PLCB1: variants seen among roughly 807,000 people sequenced by gnomAD.
PLCB1 encodes the protein phospholipase C beta 1, also known as 1-phosphatidylinositol 4,5-bisphosphate phosphodiesterase beta-1.
PLCB1 carries 46 observed loss-of-function variants against 161.8 expected under a neutral mutation model. That is an observed-to-expected ratio of 0.28 (90% CI 0.22 to 0.36). The LOEUF (loss-of-function observed/expected upper bound fraction) is 0.36. PLCB1 is among the 10% of genes least tolerant of loss of function. The pLI is 1.00. For synonymous variants in PLCB1, 517 were observed against 503.7 expected (o/e 1.03, Z -0.35); for missense variants, 1,016 against 1,472.5 (o/e 0.69, Z 5.07).
chr20:8,441,917 T>A (rs1266164583), intron 3 of PLCB1, among the ~76,000 whole-genome samples: 1 of 152,206 alleles, frequency 6.6e-6, no homozygotes, highest in African/African-American at 2.4e-5. Context: ...TGTATCAAGA[T>A]AAATAAATAT....
intron 3 of PLCB1, among the ~76,000 whole-genome samples, chr20:8,389,353 C>A (rs1174425012): frequency 1.3e-5 from 2 of 152,102 alleles, no homozygotes; most frequent in Non-Finnish European, 2.9e-5. Flanking sequence ...ACCTTATTGC[C>A]AAAGGGTTCT....
chr20:8,263,368 T>G (rs959306444), intron 2 of PLCB1, among the ~76,000 whole-genome samples: 1 of 152,212 alleles, frequency 6.6e-6, no homozygotes, highest in Non-Finnish European at 1.5e-5. Flanking sequence ...GGTTCAATAT[T>G]ATTTCAGATT....
chr20:8,276,938 CTTCTTCTTCT>C (rs1568614681), intron 2 of PLCB1, among the ~76,000 whole-genome samples: 7 of 41,476 alleles, frequency 1.7e-4, no homozygotes, highest in South Asian at 1.6e-3. Flanking sequence ...TCTTCTTCTT[CTTCTTCTTCT>C]TCTTCTTCTT....
intron 31 of PLCB1, among the ~76,000 whole-genome samples, chr20:8,828,089 G>A (rs939984736): frequency 1.2e-4 from 18 of 152,220 alleles, no homozygotes; most frequent in Admixed American, 1.2e-3. Context: ...TCAATAAGGA[G>A]AAGGGAAAGT....
intron 3 of PLCB1, among the ~76,000 whole-genome samples, chr20:8,572,300 T>C (rs1986547911): frequency 6.6e-6 from 1 of 152,212 alleles, no homozygotes; most frequent in South Asian, 2.1e-4. Flanking sequence ...AGCTTACTTA[T>C]GAGAAAGGAA....
chr20:8,475,835 G>A (rs1181780207), intron 3 of PLCB1, among the ~76,000 whole-genome samples: 1 of 152,210 alleles, frequency 6.6e-6, no homozygotes, highest in African/African-American at 2.4e-5. Flanking sequence ...AACTGGTAAA[G>A]AGTATATGCT....
chr20:8,671,558 G>A (rs1420892554), intron 9 of PLCB1, among the ~76,000 whole-genome samples: 1 of 152,182 alleles, frequency 6.6e-6, no homozygotes, highest in Non-Finnish European at 1.5e-5. Context: ...GCCTCTGCCA[G>A]ATGGGTCATT....
At chr20:8,554,624 G>T (rs1039818840) in intron 3 of PLCB1, among the ~76,000 whole-genome samples, 1 of 152,122 alleles carries the variant, frequency 6.6e-6, no homozygotes, top group African/African-American at 2.4e-5. Flanking sequence ...TGATTGGAAA[G>T]GAGAACATTC....
intron 3 of PLCB1, among the ~76,000 whole-genome samples, chr20:8,604,956 A>AT (rs1568526700): frequency 6.6e-6 from 1 of 152,060 alleles, no homozygotes; most frequent in African/African-American, 2.4e-5. Context: ...AAGTAAATTT[A>AT]TTTTTTAAAA....
intron 3 of PLCB1, chr20:8,371,687 A>G (rs1314231481): frequency 2.5e-6 from 1 of 394,350 alleles, no homozygotes; most frequent in African/African-American, 2.1e-5. Context: ...TGTTTGAAAA[A>G]AAAAGACAAC....
Position 8,342,928 on chromosome 20 carries a change from A to G in PLCB1, c.178-28454A>G, listed in dbSNP as rs147356942. Among the ~76,000 whole-genome samples the G allele has an allele frequency of 1.3e-3, 198 of 152,290 alleles. 5 individuals carry two copies. In the East Asian group the frequency reaches 0.034, roughly 26 times the overall value. ...TACAGTAGATGCTGGGGGCCCTCAAATCCCAACAGTCCAATAAATCCCATC... is the reference window on the plus strand; with the variant it reads ...TACAGTAGATGCTGGGGGCCCTCAAGTCCCAACAGTCCAATAAATCCCATC... On this transcript the variant is annotated intron_variant, in intron 2 of 31. Transcript: ENST00000338037.
intron 15 of PLCB1, among the ~76,000 whole-genome samples, chr20:8,723,386 A>G (rs1486561412): frequency 6.6e-6 from 1 of 152,168 alleles, no homozygotes; most frequent in Non-Finnish European, 1.5e-5. Flanking sequence ...TTAACATTTG[A>G]CCCAAATATT....
rs181761431 is a variant in PLCB1 at position 8,784,716 on chromosome 20, G to C, written c.3112-3733G>C. Among the ~76,000 whole-genome samples the C allele has an allele frequency of 2.0e-5, 3 of 152,208 alleles. No individual in the cohort carries two copies. The East Asian group carries it at 5.8e-4, about 29-fold the overall frequency. ...AACATATACTCCTTGGGATTCTAGG[G>C]AAACACCATTTTCATTTAATTGCAT... On this transcript the variant is annotated intron_variant, in intron 27 of 31. Transcript: ENST00000338037.
intron 9 of PLCB1, among the ~76,000 whole-genome samples, chr20:8,676,477 G>A (rs1157229568): frequency 6.6e-6 from 1 of 151,484 alleles, no homozygotes; most frequent in Non-Finnish European, 1.5e-5. Context: ...TAAAGTAATT[G>A]TAAGCATATG....
intron 16 of PLCB1, among the ~76,000 whole-genome samples, chr20:8,725,375 C>T (rs1227341086): frequency 1.3e-5 from 2 of 152,058 alleles, no homozygotes; most frequent in East Asian, 1.9e-4. Flanking sequence ...TTGCATGAAG[C>T]GTAAGATGCT....
At chr20:8,141,013 G>A (rs1354524559) in intron 1 of PLCB1, among the ~76,000 whole-genome samples, 1 of 151,928 alleles carries the variant, frequency 6.6e-6, no homozygotes, top group Non-Finnish European at 1.5e-5. Flanking sequence ...GGTCAGGCTG[G>A]TCTCAAACTC....
chr20:8,152,051 A>G (rs896206925), intron 2 of PLCB1, among the ~76,000 whole-genome samples: 1 of 152,158 alleles, frequency 6.6e-6, no homozygotes, highest in Non-Finnish European at 1.5e-5. Flanking sequence ...AAACTTTTAA[A>G]TCTTGGTTGC....
intron 31 of PLCB1, among the ~76,000 whole-genome samples, chr20:8,851,546 A>G (rs1010247853): frequency 6.6e-6 from 1 of 152,126 alleles, no homozygotes; most frequent in South Asian, 2.1e-4. Context: ...ACTCCATCAT[A>G]TGGTAGCAGA....
rs530889503 is a variant in PLCB1, at chr20:8,788,816, C to T, written c.3278+94C>T. ...ACAGGTTCATAACCAGTCAAAGACT[C>T]CTTCGTGAAGTTTCTCCTCTAGTCA... On this transcript the variant is annotated intron_variant, in intron 29 of 31. Transcript: ENST00000338037. 27 of 776,552 alleles carry T rather than the reference C, an allele frequency of 3.5e-5. 1 individual carries two copies. The South Asian group carries it at 4.5e-4, about 13-fold the overall frequency. The allele number at this position is 776,552 out of a possible 1,614,324, so 48.1% of individuals were successfully genotyped here. A position where few individuals can be genotyped will look rare whatever the true frequency, so the allele number is the denominator to read the frequency against.
Sources: gnomAD v4.1 joint callset for allele counts (sites outside exome capture counted in the v4.1 genomes callset) on GRCh38, gnomAD v4.1.1 for gene constraint, MANE v1.5 for transcripts, NCBI Gene and HGNC (gene_info 2026-07-23, HGNC 2026-07-21) for gene names.